The following DSG1 variants were observed in gnomAD, a reference collection of about 807,000 sequenced individuals.
DSG1 encodes desmoglein 1, also known as desmoglein-1.
A neutral mutation model predicts 97.5 loss-of-function variants in DSG1; 39 were observed. The ratio of observed to expected loss-of-function variants is 0.40; its 90% CI spans 0.31 to 0.52. The LOEUF (loss-of-function observed/expected upper bound fraction) is 0.52. Ranked by LOEUF, DSG1 falls within the 20% of genes least tolerant of loss-of-function variation. The pLI is 0.53. For synonymous variants in DSG1, 475 were observed against 443.4 expected, an observed-to-expected ratio of 1.07 and a Z score of -0.90; for missense variants, 1,311 against 1,295.4, an observed-to-expected ratio of 1.01 and a Z score of -0.18.
chr18:31,330,258 G>A (rs1418162094), intron 5 of DSG1, among the ~76,000 whole-genome samples: 1 of 152,098 alleles, frequency 6.6e-6, no homozygotes, highest in Non-Finnish European at 1.5e-5. Flanking sequence ...TCGCAGGCCA[G>A]CCCTGTAGAA....
At chr18:31,344,132 A>C in intron 13 of DSG1, 137 bp downstream of exon 13, 1 of 699,746 alleles carries the variant, frequency 1.4e-6, no homozygotes, top group Non-Finnish European at 2.4e-6. Flanking sequence ...ACTAACTTGT[A>C]AATTAAATGG....
chr18:31,328,739 A>C lies in DSG1; in HGVS notation c.372+395A>C, dbSNP rs192785508. On this transcript the variant is annotated intron_variant, in intron 4 of 14. Transcript: ENST00000257192. ...AGCAAATATACTTTATTATAAATTC[A>C]GTAAAGAATGTTACCTTATTTTAGG... Among the ~76,000 whole-genome samples, 4 of 152,288 alleles carry C rather than the reference A, an allele frequency of 2.6e-5. No individual in the cohort carries two copies. In the East Asian group the frequency reaches 7.7e-4, roughly 29 times the overall value.
At position 31,356,137 on chromosome 18, in the gene DSG1, C is replaced by T. The variant is rs911052965; in HGVS notation, c.*791C>T. On this transcript the variant is annotated 3_prime_UTR_variant, in exon 15 of 15. Coordinates refer to ENST00000257192, the MANE Select transcript of DSG1 (RefSeq NM_001942.4). ...TGAGGTTGAGGAATATCACACTCGT[C>T]TTTCCCTTTACCACTGTGGTTTTGA... 1 of 152,190 alleles carries T rather than the reference C, an allele frequency of 6.6e-6. No individual in the cohort carries two copies. Among genetic ancestry groups the T allele is most frequent in the African/African-American group, 2.4e-5 (1 of 41,434 alleles). 9.4% of individuals were successfully genotyped at this position (152,190 alleles called of 1,614,324 possible).
At chr18:31,353,944 G>C in intron 14 of DSG1, 1 of 289,206 alleles carries the variant, frequency 3.5e-6, no homozygotes, top group Non-Finnish European at 6.7e-6. Context: ...CGTCGCTCAC[G>C]CTGGGAGCTG....
intron 3 of DSG1, among the ~76,000 whole-genome samples, chr18:31,327,376 T>G (rs2071692134): frequency 1.3e-5 from 2 of 152,212 alleles, no homozygotes; most frequent in African/African-American, 4.8e-5. Flanking sequence ...TCCTACTTTT[T>G]TGTTTGTTTA....
At chr18:31,348,237 T>C (rs965500040) in intron 14 of DSG1, among the ~76,000 whole-genome samples, 7 of 149,390 alleles carry the variant, frequency 4.7e-5, no homozygotes, top group South Asian at 2.1e-4. Context: ...TTTGTTCTTG[T>C]GATAGTTTAC....
chr18:31,338,123 A>C (rs2071766343), intron 9 of DSG1, among the ~76,000 whole-genome samples, 192 bp from the exon 10 acceptor site: 1 of 152,150 alleles, frequency 6.6e-6, no homozygotes, highest in African/African-American at 2.4e-5. Flanking sequence ...TTTTTTCTTA[A>C]ATGTAAATCT....
At chr18:31,328,070 GACA>G in intron 3 of DSG1, 116 bp from the exon 4 acceptor site, 2 of 1,001,706 alleles carry the variant, frequency 2.0e-6, no homozygotes, top group East Asian at 2.6e-5. Flanking sequence ...AATCTCCATT[GACA>G]ACATTTCCTA....
intron 14 of DSG1, among the ~76,000 whole-genome samples, chr18:31,353,413 C>T (rs1240140083): frequency 2.0e-5 from 3 of 150,684 alleles, no homozygotes; most frequent in African/African-American, 2.4e-5. Flanking sequence ...GAGGTTACTG[C>T]TGTCTTTTTG....
At chr18:31,335,450 T>C (rs561962402) in intron 8 of DSG1, among the ~76,000 whole-genome samples, 35 of 152,206 alleles carry the variant, frequency 2.3e-4, no homozygotes, top group African/African-American at 8.2e-4. Flanking sequence ...TCTCTATCTG[T>C]AAAATGGGAA....
rs1273847166 is a variant in DSG1, at chr18:31,343,926, G to A, written c.1822G>A (p.Asp608Asn). The change falls in exon 13 of 15, where the codon GAT becomes AAT. Residue 608 changes from aspartate (D) to asparagine (N), a missense_variant and splice_region_variant. By Grantham distance (23) the Asp-to-Asn change is conservative. This residue lies in a region of DSG1 where 1,038 missense variants were observed against 964.6 expected (regional missense o/e 1.08). Coordinates refer to ENST00000257192, the MANE Select transcript of DSG1 (RefSeq NM_001942.4). ...GGAAATGTTGTTTCCTGTCTTTTAGGATATAACCACTGTCATACCACAAAT... is the reference window on the plus strand; with the variant it reads ...GGAAATGTTGTTTCCTGTCTTTTAGAATATAACCACTGTCATACCACAAAT... Reference protein sequence around the residue: ...AVEGPQPEPRDITTVIPQIPP... With the variant: ...AVEGPQPEPRNITTVIPQIPP... 6 of 1,610,190 alleles carry A rather than the reference G, an allele frequency of 3.7e-6. No homozygotes were observed. In the South Asian group the frequency reaches 4.4e-5, roughly 12 times the overall value.
At chr18:31,342,942 C>T (rs1421176382) in intron 11 of DSG1, among the ~76,000 whole-genome samples, 10 of 145,292 alleles carry the variant, frequency 6.9e-5, no homozygotes, top group Non-Finnish European at 1.0e-4. Flanking sequence ...CTCTGTCACT[C>T]AGGCTGGAGT....
chr18:31,336,868 C>T (rs2071758314), intron 9 of DSG1, among the ~76,000 whole-genome samples: 1 of 152,118 alleles, frequency 6.6e-6, no homozygotes, highest in South Asian at 2.1e-4. Context: ...TATCGACACT[C>T]CTGTATTTCT....
At chr18:31,329,192 C>T (rs1475643433) in intron 4 of DSG1, among the ~76,000 whole-genome samples, 5 of 152,108 alleles carry the variant, frequency 3.3e-5, no homozygotes, top group African/African-American at 7.2e-5. Context: ...CCTCTGTTTT[C>T]TGTCTCCCTT....
At chr18:31,332,621 G>A (rs947934765) in intron 6 of DSG1, among the ~76,000 whole-genome samples, 1 of 152,004 alleles carries the variant, frequency 6.6e-6, no homozygotes, top group Non-Finnish European at 1.5e-5. Context: ...ATGTACATTA[G>A]GAGCATAAGT....
chr18:31,333,025 C>G (rs888871321), intron 6 of DSG1, among the ~76,000 whole-genome samples: 2 of 152,160 alleles, frequency 1.3e-5, no homozygotes, highest in African/African-American at 4.8e-5. Flanking sequence ...CTCTATAAAA[C>G]CCCCTAAATT....
At chr18:31,328,031 C>T (rs1741400071) in intron 3 of DSG1, among the ~76,000 whole-genome samples, 158 bp from the exon 4 acceptor site, 1 of 152,140 alleles carries the variant, frequency 6.6e-6, no homozygotes, top group African/African-American at 2.4e-5. Flanking sequence ...AATATTAGAG[C>T]TGTAATTGTT....
intron 13 of DSG1, among the ~76,000 whole-genome samples, 183 bp downstream of exon 13, chr18:31,344,178 G>A (rs1235163366): frequency 6.6e-6 from 1 of 151,964 alleles, no homozygotes; most frequent in Non-Finnish European, 1.5e-5. Flanking sequence ...ATTGTTATAT[G>A]CTTCATTTTA....
chr18:31,342,536 A>G (rs1192852341), intron 11 of DSG1, among the ~76,000 whole-genome samples: 1 of 152,114 alleles, frequency 6.6e-6, no homozygotes, highest in East Asian at 1.9e-4. Context: ...AAAACCATTT[A>G]CCAAGATTAG....
Sources: allele counts gnomAD v4.1 joint callset (sites outside exome capture counted in the v4.1 genomes callset), GRCh38; gene constraint gnomAD v4.1.1; regional missense constraint gnomAD v4.1.1; transcripts MANE v1.5; gene names NCBI Gene and HGNC (gene_info 2026-07-23, HGNC 2026-07-21).